The following CELF6 variants were observed in gnomAD, a reference collection of about 807,000 sequenced individuals.
The protein encoded by CELF6 is Bruno -like 6, RNA binding protein.
CELF6 carries 32 observed loss-of-function variants against 53.1 expected under a neutral mutation model. The observed-to-expected ratio is 0.60, with a 90% CI of 0.46 to 0.81. The LOEUF (loss-of-function observed/expected upper bound fraction) is 0.81, where lower values mean the gene tolerates loss of function less well. Among genes scored for constraint, CELF6 ranks in the 30% least tolerant of loss-of-function variants. The pLI is 0.00. For missense variants in CELF6, 539 were observed against 669.5 expected (o/e 0.81, Z 2.15); for synonymous variants, 291 against 288.8 (o/e 1.01, Z -0.08).
At chr15:72,306,322 C>G in intron 2 of CELF6, 1 of 985,070 alleles carries the variant, frequency 1.0e-6, no homozygotes, top group Non-Finnish European at 1.2e-6. Context: ...TGATGCCCAT[C>G]TGGCCTGAGA....
Position 72,288,930 on chromosome 15 carries a change from G to C in CELF6, c.1031C>G (p.Ala344Gly). 6.5e-7 allele frequency: 1 copy of C among 1,550,258 alleles called. No homozygotes were observed. The highest frequency in any genetic ancestry group is 8.7e-7 in the Non-Finnish European group (1 of 1,146,712). ...LYNNGLSPYP[A>G]QSPGVADPLQ... Reference sequence around the variant, plus strand: ...GGGGTCAGCCACGCCGGGGCTCTGGGCTGGGGAGAGAGGGGCGCGAGGCCC... The same window carrying C: ...GGGGTCAGCCACGCCGGGGCTCTGGCCTGGGGAGAGAGGGGCGCGAGGCCC... Residue 344 changes from alanine to glycine, a missense_variant and splice_region_variant, in exon 9 of 13, where the codon GCC becomes GGC. Ala to Gly is a moderately conservative substitution (Grantham distance 60). Coordinates refer to ENST00000287202, the MANE Select transcript of CELF6 (RefSeq NM_052840.5). This position sits in a 1 kb window ranked among gnomAD's most constrained non-coding sequence, Gnocchi z 4.6.
intron 1 of CELF6, among the ~76,000 whole-genome samples, chr15:72,317,870 G>A (rs1238417787): frequency 1.3e-5 from 2 of 152,172 alleles, no homozygotes; most frequent in African/African-American, 2.4e-5. Flanking sequence ...TGGACTAGCC[G>A]GGATAGAGGG....
intron 2 of CELF6, among the ~76,000 whole-genome samples, chr15:72,314,598 T>TG: frequency 6.9e-6 from 1 of 144,484 alleles, no homozygotes. Flanking sequence ...TGTTTTTTTT[T>TG]TTTTTTTTTT....
intron 2 of CELF6, among the ~76,000 whole-genome samples, chr15:72,314,535 G>T: frequency 6.7e-6 from 1 of 150,162 alleles, no homozygotes; most frequent in Non-Finnish European, 1.5e-5. Context: ...ACACAGAACT[G>T]ATAAATGGCA....
rs545650789 is a variant in CELF6, at chr15:72,319,178, T to C, written c.262+435A>G. 6.6e-6 allele frequency among the ~76,000 whole-genome samples: 1 copy of C among 152,096 alleles called. No homozygotes were observed. Among genetic ancestry groups the C allele is most frequent in the South Asian group, 2.1e-4 (1 of 4,806 alleles). The stretch of plus-strand genomic sequence containing the variant: ...AGAGGAGGGGTGCAAGTCCAAGATA[T>C]GCATGTGGGTGGTTAGGCCTGAGTG... On this transcript the variant is annotated intron_variant, in intron 1 of 12. Transcript: ENST00000287202. The surrounding 1 kb of genome is among the most constrained non-coding windows in gnomAD (Gnocchi z 5.0).
Position 72,319,740 on chromosome 15 carries a change from G to A in CELF6, c.135C>T (p.Ala45=). The A allele has an allele frequency of 1.9e-6, 3 of 1,601,724 alleles. No individual in the cohort carries two copies. Among genetic ancestry groups the A allele is most frequent in the Non-Finnish European group, 2.6e-6 (3 of 1,173,974 alleles). The change falls in exon 1 of 13, where the codon GCC becomes GCT. Residue 45 remains alanine, a synonymous_variant. Coordinates refer to ENST00000287202, the MANE Select transcript of CELF6 (RefSeq NM_052840.5). This position sits in a 1 kb window ranked among gnomAD's most constrained non-coding sequence, Gnocchi z 5.0. ...GPAVPMKDHD[A]IKLFVGQIPR... is the part of the protein sequence containing the mutation. ...GGATCTGCCCCACGAAGAGCTTGATGGCGTCGTGGTCCTTCATGGGTACGG... is the reference window on the plus strand; with the variant it reads ...GGATCTGCCCCACGAAGAGCTTGATAGCGTCGTGGTCCTTCATGGGTACGG...
chr15:72,303,457 A>T (rs2088183014), intron 3 of CELF6, among the ~76,000 whole-genome samples: 3 of 152,234 alleles, frequency 2.0e-5, no homozygotes, highest in Non-Finnish European at 4.4e-5. Flanking sequence ...TCTTGGAGGA[A>T]CGAACTTCAC....
intron 3 of CELF6, among the ~76,000 whole-genome samples, chr15:72,294,143 C>T (rs942580258): frequency 6.6e-5 from 10 of 152,158 alleles, no homozygotes; most frequent in African/African-American, 2.4e-4. Flanking sequence ...CAGAATCAAT[C>T]CAGACTACTT....
chr15:72,312,308 A>G (rs959717), intron 2 of CELF6, among the ~76,000 whole-genome samples: 150,721 of 152,332 alleles, frequency 0.99, 74,587 homozygotes, highest in Middle Eastern at 1. Flanking sequence ...AGCCAAGCAA[A>G]AGAAGGTCTT....
intron 2 of CELF6, among the ~76,000 whole-genome samples, chr15:72,315,351 C>G (rs1198091057): frequency 2.0e-5 from 3 of 152,184 alleles, no homozygotes; most frequent in Non-Finnish European, 4.4e-5. Flanking sequence ...CAGGTCTCCC[C>G]TAACTTTAGC....
intron 3 of CELF6, chr15:72,292,254 C>T (rs201682461): frequency 3.9e-6 from 6 of 1,535,188 alleles, no homozygotes; most frequent in Non-Finnish European, 5.2e-6. Context: ...TGAGATCATC[C>T]TGTTCAGGAG....
chr15:72,287,523 G>T, intron 11 of CELF6, 131 bp from the exon 12 acceptor site: 1 of 1,004,598 alleles, frequency 1.0e-6, no homozygotes, highest in Non-Finnish European at 1.5e-6. Context: ...CACTGTTTGT[G>T]TGGATACAGA....
intron 3 of CELF6, among the ~76,000 whole-genome samples, chr15:72,299,871 C>T (rs1277583285): frequency 6.6e-6 from 1 of 152,134 alleles, no homozygotes; most frequent in Non-Finnish European, 1.5e-5. Flanking sequence ...CATTAAAAGG[C>T]TGCTATAATA....
chr15:72,311,747 C>T (rs1249374077), intron 2 of CELF6, among the ~76,000 whole-genome samples: 1 of 152,206 alleles, frequency 6.6e-6, no homozygotes, highest in Non-Finnish European at 1.5e-5. Flanking sequence ...AAGACTCAGA[C>T]TCATTCATGA....
In CELF6 at chr15:72,288,165, C is replaced by T; in HGVS notation, c.1318+143G>A. 1 of 929,624 alleles carries T rather than the reference C, an allele frequency of 1.1e-6. No homozygotes were observed. The highest frequency in any genetic ancestry group is 1.7e-6 in the Non-Finnish European group (1 of 584,280). 57.6% of individuals were successfully genotyped at this position (929,624 alleles called of 1,614,324 possible). A position where few individuals can be genotyped will look rare whatever the true frequency, so the allele number is the denominator to read the frequency against. On this transcript the variant is annotated intron_variant, in intron 11 of 12. Transcript: ENST00000287202. This position sits in a 1 kb window ranked among gnomAD's most constrained non-coding sequence, Gnocchi z 4.6. ...GGCTTGTTGTTGGCCTAAACTTAGGCCCATCACTGGTTTGTGACCCTGTTT... is the reference window on the plus strand; with the variant it reads ...GGCTTGTTGTTGGCCTAAACTTAGGTCCATCACTGGTTTGTGACCCTGTTT...
chr15:72,312,112 C>A (rs1388782359), intron 2 of CELF6, among the ~76,000 whole-genome samples: 2 of 152,070 alleles, frequency 1.3e-5, no homozygotes, highest in Non-Finnish European at 2.9e-5. Flanking sequence ...GAGGCTAGGC[C>A]TCACCCTCTT....
intron 2 of CELF6, among the ~76,000 whole-genome samples, chr15:72,305,243 G>A (rs187799869): frequency 6.6e-6 from 1 of 152,354 alleles, no homozygotes; most frequent in East Asian, 1.9e-4. Flanking sequence ...ATCAGACTCA[G>A]TGCTATCTGC....
rs181613964 is a variant in CELF6 at position 72,317,306 on chromosome 15, G to A, written c.263-1379C>T. Among the ~76,000 whole-genome samples the A allele has an allele frequency of 7.2e-5, 11 of 152,330 alleles. No homozygotes were observed. The East Asian group carries it at 1.9e-3, about 27-fold the overall frequency. On this transcript the variant is annotated intron_variant, in intron 1 of 12. Transcript: ENST00000287202. ...ACTGAAGGAGGAGAAAGTGGATATG[G>A]TGAGCCATTAGGAACTTGGGGCAGA...
At chr15:72,314,599 T>G (rs1369458050) in intron 2 of CELF6, among the ~76,000 whole-genome samples, 1 of 144,842 alleles carries the variant, frequency 6.9e-6, no homozygotes, top group East Asian at 2.0e-4. Context: ...GTTTTTTTTT[T>G]TTTTTTTTTT....
Sources: gnomAD v4.1 joint callset for allele counts (sites outside exome capture counted in the v4.1 genomes callset) on GRCh38, gnomAD v4.1.1 for gene constraint, Gnocchi (gnomAD v3.1) non-coding constraint, MANE v1.5 for transcripts, NCBI Gene and HGNC (gene_info 2026-07-23, HGNC 2026-07-21) for gene names.